Variants in MYH15 observed in about 807,000 individuals in gnomAD.
MYH15 encodes myosin heavy chain 15.
In MYH15, 227 loss-of-function variants were observed where a neutral mutation model predicts 240.5. The ratio of observed to expected loss-of-function variants is 0.94; its 90% CI spans 0.85 to 1.05. The LOEUF is 1.05. MYH15 is among the 50% of genes least tolerant of loss of function. The probability of loss-of-function intolerance (pLI) is 0.00; values close to 1 mark genes in which losing one functional copy is unlikely to be tolerated. For missense variants in MYH15, 2,217 were observed against 2,247.5 expected, an observed-to-expected ratio of 0.99 and a Z score of 0.27; for synonymous variants, 785 against 796.7, an observed-to-expected ratio of 0.99 and a Z score of 0.25.
rs1409363355 is a variant in MYH15, at chr3:108,428,706, A to G, written c.3488T>C (p.Phe1163Ser). ...TTCCATGTCTCGGTGCAGCTTCTGGAATTTGGTTTCCTGTTTCTTAGTTAT... is the reference window on the plus strand; with the variant it reads ...TTCCATGTCTCGGTGCAGCTTCTGGGATTTGGTTTCCTGTTTCTTAGTTAT... ...LEITKKQETKFQKLHRDMEEA... is the reference protein window; with the variant it reads ...LEITKKQETKSQKLHRDMEEA... The change falls in exon 27 of 41, where the codon TTC (phenylalanine) becomes TCC (serine). Residue 1163 changes from phenylalanine to serine, a missense_variant. Phe to Ser is a radical substitution (Grantham distance 155). Transcript: ENST00000693548. 1.2e-6 allele frequency: 2 copies of G among 1,612,834 alleles called. No individual in the cohort carries two copies. The highest frequency in any genetic ancestry group is 1.7e-6 in the Non-Finnish European group (2 of 1,179,686).
At chr3:108,497,802 C>T (rs749741680) in intron 6 of MYH15, among the ~76,000 whole-genome samples, 9 of 152,104 alleles carry the variant, frequency 5.9e-5, no homozygotes, top group Non-Finnish European at 1.3e-4. Flanking sequence ...AAACAAAGAC[C>T]AGGCCAGAAA....
intron 30 of MYH15, 144 bp downstream of exon 30, chr3:108,414,088 C>T (rs933599098): frequency 9.5e-6 from 7 of 735,576 alleles, no homozygotes; most frequent in Middle Eastern, 2.5e-4. Flanking sequence ...CAGCAGTGCA[C>T]GTTTCAGCTT....
At chr3:108,549,660 A>G in the MYH15 span, among the ~76,000 whole-genome samples, 1 of 152,030 alleles carries the variant, frequency 6.6e-6, no homozygotes, top group Non-Finnish European at 1.5e-5. Context: ...TTTCAGTTGC[A>G]AAGGCCAAAT....
Position 108,381,567 on chromosome 3 carries a change from A to G in MYH15, c.5767-8T>C. 1.2e-6 allele frequency: 2 copies of G among 1,613,674 alleles called. No individual in the cohort carries two copies. Among genetic ancestry groups the G allele is most frequent in the Non-Finnish European group, 1.7e-6 (2 of 1,179,640 alleles). ...ATGCTATTCTTCTTGAACCTGAAAA[A>G]CAGAATGTCAGTGTGTTCTGTGAAT... On this transcript the variant is annotated splice_region_variant and splice_polypyrimidine_tract_variant and intron_variant, in intron 40 of 40. Coordinates refer to ENST00000693548, the MANE Select transcript of MYH15 (RefSeq NM_014981.3).
Position 108,394,121 on chromosome 3 carries a change from C to G in MYH15, c.5169G>C (p.Glu1723Asp). ...TSLLSQKKKLEADVARMQKEA... is the reference protein window; with the variant it reads ...TSLLSQKKKLDADVARMQKEA... ...CTTTCTGCATCCGGGCAACATCAGCCTCCAGTTTCTTCTTCTGGCTGAGGA... is the reference window on the plus strand; with the variant it reads ...CTTTCTGCATCCGGGCAACATCAGCGTCCAGTTTCTTCTTCTGGCTGAGGA... Residue 1723 changes from glutamate to aspartate, a missense_variant, in exon 36 of 41, where the codon GAG (glutamate) becomes GAC (aspartate). Transcript: ENST00000693548. 1 of 1,614,110 alleles carries G rather than the reference C, an allele frequency of 6.2e-7. No individual in the cohort carries two copies. The highest frequency in any genetic ancestry group is 8.5e-7 in the Non-Finnish European group (1 of 1,179,964).
At chr3:108,383,546 T>C in intron 40 of MYH15, 49 bp downstream of exon 40, 10 of 1,591,124 alleles carry the variant, frequency 6.3e-6, no homozygotes, top group Non-Finnish European at 8.6e-6. Flanking sequence ...ACATCAGCCC[T>C]AAACAAACAT....
At chr3:108,428,468 C>A (rs536422093) in intron 27 of MYH15, 24 bp downstream of exon 27, 2 of 1,578,368 alleles carry the variant, frequency 1.3e-6, no homozygotes, top group Admixed American at 1.8e-5. Flanking sequence ...CAGAAGACCA[C>A]GAGGATGGCA....
intron 11 of MYH15, among the ~76,000 whole-genome samples, chr3:108,483,245 C>CA (rs2083280919): frequency 7.3e-6 from 1 of 136,584 alleles, no homozygotes; most frequent in African/African-American, 2.7e-5. Flanking sequence ...CAAACAACAA[C>CA]AAAAAAATCC....
At chr3:108,403,450 A>G (rs1020315800) in intron 33 of MYH15, among the ~76,000 whole-genome samples, 1 of 149,780 alleles carries the variant, frequency 6.7e-6, no homozygotes, top group African/African-American at 2.5e-5. Context: ...TCCTTGTTCT[A>G]TAACTTCCCT....
At chr3:108,502,169 A>G (rs1270695970) in intron 2 of MYH15, among the ~76,000 whole-genome samples, 1 of 152,176 alleles carries the variant, frequency 6.6e-6, no homozygotes, top group Non-Finnish European at 1.5e-5. Context: ...ATTATGTACA[A>G]TCTAACCCCT....
the MYH15 span, among the ~76,000 whole-genome samples, chr3:108,539,422 G>A: frequency 6.6e-6 from 1 of 152,120 alleles, no homozygotes; most frequent in East Asian, 1.9e-4. Context: ...CATGTGTTGT[G>A]CACTTTTCTA....
At chr3:108,423,283 A>G (rs1169402475) in intron 27 of MYH15, among the ~76,000 whole-genome samples, 1 of 152,208 alleles carries the variant, frequency 6.6e-6, no homozygotes, top group African/African-American at 2.4e-5. Flanking sequence ...TGTCTCACTT[A>G]CTAATGGCTA....
upstream of MYH15, among the ~76,000 whole-genome samples, chr3:108,529,823 T>C (rs1408372223): frequency 1.3e-5 from 2 of 152,184 alleles, no homozygotes; most frequent in Non-Finnish European, 2.9e-5. Flanking sequence ...TTTCAGACCA[T>C]GACCAGCAAC....
chr3:108,546,612 G>A, the MYH15 span, among the ~76,000 whole-genome samples: 3 of 152,032 alleles, frequency 2.0e-5, no homozygotes, highest in Admixed American at 1.3e-4. Flanking sequence ...TTGAGATATC[G>A]AGAGAATATA....
chr3:108,537,074 GGA>G, the MYH15 span, among the ~76,000 whole-genome samples: 2 of 152,220 alleles, frequency 1.3e-5, no homozygotes, highest in Non-Finnish European at 2.9e-5. Flanking sequence ...AATTGAGTCA[GGA>G]GAGAGGCAGG....
chr3:108,483,739 C>A (rs2083285439), intron 11 of MYH15, among the ~76,000 whole-genome samples: 1 of 152,152 alleles, frequency 6.6e-6, no homozygotes, highest in Non-Finnish European at 1.5e-5. Context: ...TATGCATACA[C>A]TGGAATATTA....
rs1364067240 is a variant in MYH15, at chr3:108,398,470, G to A, written c.5133+167C>T. On this transcript the variant is annotated intron_variant, in intron 35 of 40. Coordinates refer to ENST00000693548, the MANE Select transcript of MYH15 (RefSeq NM_014981.3). ...TGGTACTTTGTTATGGCGGCCTGAG[G>A]GAAATAACACACTTGGGAACAAATG... 2.0e-5 allele frequency among the ~76,000 whole-genome samples: 3 copies of A among 151,018 alleles called. No individual in the cohort carries two copies. The East Asian group carries it at 5.8e-4, about 29-fold the overall frequency.
rs771240356 is a variant in MYH15, at chr3:108,493,193, AAC to A, written c.712-18_712-17del. Reference sequence around the variant, plus strand: ...TGAATTTGCCCTAGTGTGGACACAGAACACAGTCAGACACAAAACACAGTTTC... The same window carrying A: ...TGAATTTGCCCTAGTGTGGACACAGAACAGTCAGACACAAAACACAGTTTC... On this transcript the variant is annotated splice_polypyrimidine_tract_variant and intron_variant, in intron 7 of 40. Coordinates refer to ENST00000693548, the MANE Select transcript of MYH15 (RefSeq NM_014981.3). The A allele has an allele frequency of 6.8e-6, 11 of 1,611,908 alleles. No homozygotes were observed. Among genetic ancestry groups the A allele is most frequent in the Admixed American group, 6.7e-5 (4 of 59,998 alleles).
At chr3:108,518,150 A>G in intron 1 of MYH15, among the ~76,000 whole-genome samples, 1 of 152,194 alleles carries the variant, frequency 6.6e-6, no homozygotes, top group East Asian at 1.9e-4. Context: ...TTTTATACAT[A>G]ATAACTCTTT....
Sources: allele counts gnomAD v4.1 joint callset (sites outside exome capture counted in the v4.1 genomes callset), GRCh38; gene constraint gnomAD v4.1.1; transcripts MANE v1.5; gene names NCBI Gene and HGNC (gene_info 2026-07-23, HGNC 2026-07-21).